The following CREM variants were observed in gnomAD, a reference collection of about 807,000 sequenced individuals.
The protein encoded by CREM is cAMP responsive element modulator.
In CREM, 13 loss-of-function variants were observed where a neutral mutation model predicts 37.3. The ratio of observed to expected loss-of-function variants is 0.35; its 90% CI spans 0.23 to 0.55. The LOEUF is 0.55. Among genes scored for constraint, CREM ranks in the 20% least tolerant of loss-of-function variants. The pLI, the probability that CREM is intolerant of heterozygous loss-of-function variation, is 0.88. For missense variants in CREM, 296 were observed against 362.3 expected, an observed-to-expected ratio of 0.82 and a Z score of 1.49; for synonymous variants, 124 against 120.2, an observed-to-expected ratio of 1.03 and a Z score of -0.21.
chr10:35,211,189 A>G, intron 7 of CREM, 65 bp from the exon 8 acceptor site: 1 of 1,565,210 alleles, frequency 6.4e-7, no homozygotes, highest in Non-Finnish European at 8.7e-7. Flanking sequence ...GCAGAAGTGC[A>G]CTGACCCACT....
At chr10:35,129,785 C>T (rs1176432898) in intron 1 of CREM, among the ~76,000 whole-genome samples, 1 of 152,010 alleles carries the variant, frequency 6.6e-6, no homozygotes, top group Non-Finnish European at 1.5e-5. Context: ...CCTGAAATAC[C>T]GAATTTTATT....
chr10:35,151,643 G>C (rs903773793), intron 3 of CREM, among the ~76,000 whole-genome samples: 1 of 152,138 alleles, frequency 6.6e-6, no homozygotes, highest in Admixed American at 6.5e-5. Context: ...TGAAGTGCTG[G>C]GATTACTGGT....
At chr10:35,132,400 G>C (rs2089593874) in intron 1 of CREM, among the ~76,000 whole-genome samples, 1 of 152,176 alleles carries the variant, frequency 6.6e-6, no homozygotes, top group South Asian at 2.1e-4. Context: ...TTGAAAAAGA[G>C]ACACTTACTG....
At chr10:35,195,006 T>A in intron 6 of CREM, 1 of 477,314 alleles carries the variant, frequency 2.1e-6, no homozygotes, top group Non-Finnish European at 3.7e-6. Flanking sequence ...ACAGGAAGAG[T>A]TTTTATAGGG....
intron 6 of CREM, among the ~76,000 whole-genome samples, chr10:35,204,866 A>T (rs2095483103): frequency 6.6e-6 from 1 of 152,194 alleles, no homozygotes; most frequent in Admixed American, 6.5e-5. Flanking sequence ...AGTTTCAGTG[A>T]TAATATCCTA....
chr10:35,211,349 T>C lies in CREM; in HGVS notation c.851T>C (p.Ile284Thr). 2 of 1,614,168 alleles carry C rather than the reference T, an allele frequency of 1.2e-6. No individual in the cohort carries two copies. Among genetic ancestry groups the C allele is most frequent in the East Asian group, 2.2e-5 (1 of 44,882 alleles). ...AVLENQNKTL[I>T]EELKALKDLY... ...CTTGAAAACCAAAACAAGACTCTCA[T>C]TGAGGAACTCAAGGCCCTCAAAGAT... The change falls in exon 8 of 8, where the codon ATT (isoleucine) becomes ACT (threonine). Residue 284 changes from isoleucine (I) to threonine (T), a missense_variant. Ile to Thr is a moderately conservative substitution (Grantham distance 89, BLOSUM62 -1). This residue lies in a region of CREM where 39 missense variants were observed against 82.0 expected (regional missense o/e 0.48). Transcript: ENST00000685392.
intron 3 of CREM, among the ~76,000 whole-genome samples, chr10:35,178,268 ACT>A (rs1443787428): frequency 6.6e-6 from 1 of 151,810 alleles, no homozygotes; most frequent in Non-Finnish European, 1.5e-5. Context: ...CATGCTTAAA[ACT>A]CTGATCTTTC....
chr10:35,211,749 T>G lies in CREM; in HGVS notation c.*351T>G. On this transcript the variant is annotated 3_prime_UTR_variant, in exon 8 of 8. Coordinates refer to ENST00000685392, the MANE Select transcript of CREM (RefSeq NM_183011.2). ...TGCTGGAAGTCCAGAACAAGAAGCT[T>G]ATAGAGGAACTTGAAACCTTGAAAG... is the stretch of plus-strand genomic sequence containing the variant. 1 of 1,613,964 alleles carries G rather than the reference T, an allele frequency of 6.2e-7. No individual in the cohort carries two copies. The highest frequency in any genetic ancestry group is 1.1e-5 in the South Asian group (1 of 91,004).
intron 3 of CREM, among the ~76,000 whole-genome samples, chr10:35,178,591 TGTTCTTTCCTGC>T: frequency 6.6e-6 from 1 of 152,238 alleles, no homozygotes; most frequent in East Asian, 1.9e-4. Context: ...TTTTACATTT[TGTTCTTTCCTGC>T]AATGCCTCAT....
At chr10:35,158,253 C>A in intron 3 of CREM, 1 of 157,520 alleles carries the variant, frequency 6.3e-6, no homozygotes, top group Admixed American at 6.5e-5. Context: ...CACAAAAGAC[C>A]CCAAATAGCG....
At chr10:35,144,797 A>C (rs943471446) in intron 2 of CREM, among the ~76,000 whole-genome samples, 10 of 150,638 alleles carry the variant, frequency 6.6e-5, no homozygotes, top group Admixed American at 6.6e-4. Flanking sequence ...CTCTGTCCTT[A>C]AAGTATACTG....
At chr10:35,187,130 TAATATATTAATATATAATATATATAA>T (rs1564921679) in intron 5 of CREM, among the ~76,000 whole-genome samples, 142 of 77,302 alleles carry the variant, frequency 1.8e-3, no homozygotes, top group Non-Finnish European at 2.9e-3. Flanking sequence ...ATAAATATAT[TAATATATTAATATATAATATATATAA>T]TATATATTAT....
intron 3 of CREM, among the ~76,000 whole-genome samples, chr10:35,151,090 G>A (rs2092568285): frequency 6.6e-6 from 1 of 152,148 alleles, no homozygotes; most frequent in Admixed American, 6.6e-5. Context: ...AGAAAGATGG[G>A]TTTGTGAAAC....
intron 3 of CREM, among the ~76,000 whole-genome samples, chr10:35,166,359 C>T (rs114553116): frequency 0.015 from 2,294 of 151,882 alleles, 60 homozygotes; most frequent in African/African-American, 0.052. Flanking sequence ...GGCCAGGAGT[C>T]GAGATCAGCC....
At chr10:35,136,126 T>C (rs927243704) in intron 1 of CREM, among the ~76,000 whole-genome samples, 7 of 152,232 alleles carry the variant, frequency 4.6e-5, no homozygotes, top group Non-Finnish European at 8.8e-5. Context: ...AGCGGGCGGC[T>C]GTTCCTGGAC....
At chr10:35,168,561 T>A (rs1435275700) in intron 3 of CREM, among the ~76,000 whole-genome samples, 1 of 152,248 alleles carries the variant, frequency 6.6e-6, no homozygotes, top group Non-Finnish European at 1.5e-5. Context: ...CTCTTCACTT[T>A]GATCGTAGTT....
chr10:35,143,393 A>T (rs1052169309), intron 2 of CREM, among the ~76,000 whole-genome samples: 1 of 151,930 alleles, frequency 6.6e-6, no homozygotes, highest in African/African-American at 2.4e-5. Context: ...AACAAGTGTG[A>T]TGGGAGTGGT....
chr10:35,174,920 G>C (rs562285724), intron 3 of CREM, among the ~76,000 whole-genome samples: 1 of 152,280 alleles, frequency 6.6e-6, no homozygotes, highest in East Asian at 1.9e-4. Flanking sequence ...GGCCTCTCTG[G>C]ATGCTTTAGC....
intron 3 of CREM, chr10:35,167,827 C>T: frequency 1.3e-6 from 2 of 1,590,448 alleles, no homozygotes; most frequent in Middle Eastern, 1.7e-4. Flanking sequence ...GCTATAAGTA[C>T]CTTCACACTT....
Sources: allele counts gnomAD v4.1 joint callset (sites outside exome capture counted in the v4.1 genomes callset), GRCh38; gene constraint gnomAD v4.1.1; regional missense constraint gnomAD v4.1.1; transcripts MANE v1.5; gene names NCBI Gene and HGNC (gene_info 2026-07-23, HGNC 2026-07-21).